Variants in CRYBG1 observed in about 807,000 individuals in gnomAD.
CRYBG1 encodes beta/gamma crystallin domain-containing protein 1.
Under a neutral mutation model 189.2 loss-of-function variants are expected in CRYBG1, and 139 were observed. The ratio of observed to expected loss-of-function variants is 0.73; its 90% confidence interval spans 0.64 to 0.85. The LOEUF (loss-of-function observed/expected upper bound fraction) is 0.85, where lower values mean the gene tolerates loss of function less well. Ranked by LOEUF, CRYBG1 falls within the 40% of genes least tolerant of loss-of-function variation. The probability of loss-of-function intolerance (pLI) is 0.00; values close to 1 mark genes in which losing one functional copy is unlikely to be tolerated. For synonymous variants in CRYBG1, 1,023 were observed against 1,017.1 expected, an observed-to-expected ratio of 1.01 and a Z score of -0.11; for missense variants, 2,611 against 2,675.8, an observed-to-expected ratio of 0.98 and a Z score of 0.53.
chr6:106,432,943 G>A (rs965736118), intron 1 of CRYBG1, among the ~76,000 whole-genome samples: 2 of 150,412 alleles, frequency 1.3e-5, no homozygotes, highest in East Asian at 2.0e-4. Context: ...GGGTTCAGGC[G>A]ATTCTCCTGC....
intron 1 of CRYBG1, among the ~76,000 whole-genome samples, chr6:106,433,757 G>GTATATATATATATA (rs1562305866): frequency 8.5e-5 from 2 of 23,540 alleles, no homozygotes; most frequent in African/African-American, 2.2e-4. Flanking sequence ...ATATATATAT[G>GTATATATATATATA]TGTATATATA....
intron 1 of CRYBG1, among the ~76,000 whole-genome samples, chr6:106,383,007 G>A (rs1409655273): frequency 2.6e-5 from 4 of 152,200 alleles, no homozygotes; most frequent in Non-Finnish European, 5.9e-5. Flanking sequence ...AATTTTTTGT[G>A]TGTGTCTCTA....
chr6:106,438,780 TGTAATGG>T (rs1342463069), intron 1 of CRYBG1, among the ~76,000 whole-genome samples: 1 of 152,194 alleles, frequency 6.6e-6, no homozygotes, highest in Admixed American at 6.5e-5. Flanking sequence ...GAATGATTCA[TGTAATGG>T]TTTGATGTCA....
intron 1 of CRYBG1, among the ~76,000 whole-genome samples, chr6:106,367,436 G>A (rs1772023919): frequency 6.6e-6 from 1 of 151,766 alleles, no homozygotes; most frequent in Non-Finnish European, 1.5e-5. Flanking sequence ...AAAATACAAA[G>A]ATTAGCTGGG....
rs1389286743 is a variant in CRYBG1 at position 106,515,992 on chromosome 6, TGTTC to T, written c.1922+2954_1922+2957del. 3.1e-3 allele frequency among the ~76,000 whole-genome samples: 464 copies of T among 151,854 alleles called. 6 individuals carry two copies. Among genetic ancestry groups the T allele is most frequent in the African/African-American group, 0.011 (443 of 41,390 alleles). On this transcript the variant is annotated intron_variant, in intron 3 of 21. Transcript: ENST00000633556. ...TTTTTTTAGAGACAGGATTTTGCCA[TGTTC>T]CCCGGGCTGGTCTCAAACTCCTGGG...
At chr6:106,422,344 A>ATTTATTTATTTTTTTTT (rs57640822) in intron 1 of CRYBG1, among the ~76,000 whole-genome samples, 7 of 139,928 alleles carry the variant, frequency 5.0e-5, no homozygotes, top group African/African-American at 1.6e-4. Flanking sequence ...TTATTTATTT[A>ATTTATTTATTTTTTTTT]TTTTTGAGAC....
Position 106,521,020 on chromosome 6 carries a change from GT to G in CRYBG1, c.3813del (p.Ser1271ArgfsTer26). On this transcript the variant is annotated frameshift_variant, in exon 4 of 22. Coordinates refer to ENST00000633556, the MANE Select transcript of CRYBG1 (RefSeq NM_001371242.2). LOFTEE classifies it high-confidence loss of function. ...GTCAACACTATGACCACGGCTTTCA[GT>G]ACTTCTCAGAACGGTTCCCTATCTC... ...TSVNTMTTAFSTSQNGSLSQS... is the reference protein window; with the variant it reads ...TSVNTMTTAFXTSQNGSLSQS... 6.2e-7 allele frequency: 1 copy of G among 1,614,148 alleles called. No homozygotes were observed. Among genetic ancestry groups the G allele is most frequent in the Non-Finnish European group, 8.5e-7 (1 of 1,180,032 alleles).
chr6:106,415,560 C>T (rs1328131099), intron 1 of CRYBG1, among the ~76,000 whole-genome samples: 1 of 144,860 alleles, frequency 6.9e-6, no homozygotes, highest in African/African-American at 2.5e-5. Context: ...CCCGTCTCTA[C>T]AAAAAAAAAA....
At chr6:106,548,484 T>A (rs1189285175) in intron 13 of CRYBG1, among the ~76,000 whole-genome samples, 1 of 152,188 alleles carries the variant, frequency 6.6e-6, no homozygotes, top group East Asian at 1.9e-4. Context: ...CCCATACTTG[T>A]TAGTAAAAAG....
At chr6:106,505,131 C>T (rs570133422) in intron 2 of CRYBG1, among the ~76,000 whole-genome samples, 1 of 150,414 alleles carries the variant, frequency 6.6e-6, no homozygotes, top group East Asian at 2.0e-4. Context: ...CAGAGTCTTG[C>T]TCTGCCAGAC....
At chr6:106,369,616 G>A (rs1769974892) in intron 1 of CRYBG1, among the ~76,000 whole-genome samples, 1 of 152,074 alleles carries the variant, frequency 6.6e-6, no homozygotes, top group Admixed American at 6.5e-5. Context: ...AGGATCAAGG[G>A]TCAAAATAAT....
chr6:106,520,359 C>G lies in CRYBG1; in HGVS notation c.3151C>G (p.Leu1051Val), dbSNP rs144133205. 2.9e-5 allele frequency: 47 copies of G among 1,614,124 alleles called. No individual in the cohort carries two copies. In the African/African-American group the frequency reaches 4.1e-4, roughly 14 times the overall value. ...QAQSQGSRTP[L>V]MAESSPTNSP... ...TCAAAGTCAGGGCAGCAGAACACCC[C>G]TGATGGCTGAATCCAGTCCCACCAA... Residue 1051 changes from leucine (L) to valine (V), a missense_variant, in exon 4 of 22, where the codon CTG becomes GTG. Transcript: ENST00000633556.
intron 16 of CRYBG1, 71 bp downstream of exon 16, chr6:106,553,638 T>G: frequency 9.8e-7 from 1 of 1,024,148 alleles, no homozygotes; most frequent in Non-Finnish European, 1.5e-6. Context: ...AGCAAGTATA[T>G]AGTGATGCCT....
intron 21 of CRYBG1, 118 bp downstream of exon 21, chr6:106,564,044 C>T: frequency 9.2e-7 from 1 of 1,088,000 alleles, no homozygotes; most frequent in South Asian, 1.5e-5. Flanking sequence ...AGTAAGAGAG[C>T]CCCTACTGTG....
At chr6:106,560,611 T>G (rs1054502446) in intron 18 of CRYBG1, among the ~76,000 whole-genome samples, 192 bp from the exon 19 acceptor site, 1 of 152,226 alleles carries the variant, frequency 6.6e-6, no homozygotes, top group African/African-American at 2.4e-5. Flanking sequence ...GCATAAGTAC[T>G]CATGTAACAA....
intron 2 of CRYBG1, among the ~76,000 whole-genome samples, chr6:106,507,597 T>C (rs1251699119): frequency 2.0e-5 from 3 of 152,156 alleles, no homozygotes; most frequent in Non-Finnish European, 4.4e-5. Flanking sequence ...GTCTGTGGCT[T>C]CCCATCCTAG....
intron 2 of CRYBG1, among the ~76,000 whole-genome samples, chr6:106,487,846 G>A (rs1772626538): frequency 6.6e-6 from 1 of 152,148 alleles, no homozygotes; most frequent in Admixed American, 6.5e-5. Flanking sequence ...GACTTATTGT[G>A]TTTTGGGGGA....
At chr6:106,483,378 G>GTGTGTGTGTATATA (rs1347885031) in intron 2 of CRYBG1, among the ~76,000 whole-genome samples, 27 of 113,814 alleles carry the variant, frequency 2.4e-4, no homozygotes, top group African/African-American at 6.7e-4. Flanking sequence ...GTGTGTGTGT[G>GTGTGTGTGTATATA]TATATATATA....
At chr6:106,478,832 G>C (rs1772386969) in intron 2 of CRYBG1, among the ~76,000 whole-genome samples, 1 of 152,198 alleles carries the variant, frequency 6.6e-6, no homozygotes, top group Non-Finnish European at 1.5e-5. Flanking sequence ...CACAAACCCT[G>C]TTGTGAACTG....
Sources: allele counts gnomAD v4.1 joint callset (sites outside exome capture counted in the v4.1 genomes callset), GRCh38; gene constraint gnomAD v4.1.1; transcripts MANE v1.5; gene names NCBI Gene and HGNC (gene_info 2026-07-23, HGNC 2026-07-21).